The following ALAD variants were observed in gnomAD, a reference collection of about 807,000 sequenced individuals.
The protein encoded by ALAD is aminolevulinate dehydratase.
In ALAD, 20 loss-of-function variants were observed where a neutral mutation model predicts 44.4. That is an observed-to-expected ratio of 0.45 (90% CI 0.32 to 0.65). The LOEUF (loss-of-function observed/expected upper bound fraction) is 0.65, where lower values mean the gene tolerates loss of function less well. Ranked by LOEUF, ALAD falls within the 30% of genes least tolerant of loss-of-function variation. The pLI is 0.05. For synonymous variants in ALAD, 156 were observed against 167.9 expected (o/e 0.93, Z 0.55); for missense variants, 323 against 445.7 (o/e 0.72, Z 2.48).
chr9:113,390,299 G>A lies in ALAD; in HGVS notation c.570+106C>T, dbSNP rs1307192411. The A allele has an allele frequency of 5.9e-6, 7 of 1,191,646 alleles. No individual in the cohort carries two copies. The African/African-American group carries it at 9.0e-5, about 15-fold the overall frequency. The allele number at this position is 1,191,646 out of a possible 1,614,324, so 73.8% of individuals were successfully genotyped here. A position where few individuals can be genotyped will look rare whatever the true frequency, so the allele number is the denominator to read the frequency against. On this transcript the variant is annotated intron_variant, in intron 7 of 11. Coordinates refer to ENST00000409155, the MANE Select transcript of ALAD (RefSeq NM_000031.6). Reference sequence around the variant, plus strand: ...AGCCTCCCAAAGTGCTGGGACTACAGGTGTGAGCCAACACGCCCGGCAGTT... The same window carrying A: ...AGCCTCCCAAAGTGCTGGGACTACAAGTGTGAGCCAACACGCCCGGCAGTT...
chr9:113,390,429 C>G lies in ALAD; in HGVS notation c.546G>C (p.Leu182=). ...DGRVEAIKEA[L]MAHGLGNRVS... Reference sequence around the variant, plus strand: ...CCCTGTTGCCAAGTCCATGTGCCATCAGGGCCTCTTTGATGGCTTCCACGC... The same window carrying G: ...CCCTGTTGCCAAGTCCATGTGCCATGAGGGCCTCTTTGATGGCTTCCACGC... The change falls in exon 7 of 12, where the codon CTG becomes CTC. Residue 182 remains leucine (L), a synonymous_variant. Transcript: ENST00000409155. 1 of 1,614,128 alleles carries G rather than the reference C, an allele frequency of 6.2e-7. No individual in the cohort carries two copies. Among genetic ancestry groups the G allele is most frequent in the Non-Finnish European group, 8.5e-7 (1 of 1,180,020 alleles).
chr9:113,397,633 T>C (rs1277344757), intron 1 of ALAD, among the ~76,000 whole-genome samples: 3 of 144,940 alleles, frequency 2.1e-5, no homozygotes, highest in African/African-American at 7.7e-5. Context: ...TTTTTTTTTT[T>C]TTTTTTTTTG....
chr9:113,389,473 G>A lies in ALAD; in HGVS notation c.766C>T (p.Pro256Ser). Residue 256 changes from proline (P) to serine (S), a missense_variant, in exon 10 of 12, where the codon CCC (proline) becomes TCC (serine). Physicochemically the swap from Pro to Ser is moderately conservative, Grantham distance 74. Coordinates refer to ENST00000409155, the MANE Select transcript of ALAD (RefSeq NM_000031.6). Reference sequence around the variant, plus strand: ...ACCTCCCGCACGATGTCCAGGTAGGGCATTCCCGGCTTCACCATGAGCATG... The same window carrying A: ...ACCTCCCGCACGATGTCCAGGTAGGACATTCCCGGCTTCACCATGAGCATG... The part of the protein sequence containing the change: ...ADMLMVKPGM[P>S]YLDIVREVKD... 1 of 1,613,992 alleles carries A rather than the reference G, an allele frequency of 6.2e-7. No homozygotes were observed. Among genetic ancestry groups the A allele is most frequent in the Non-Finnish European group, 8.5e-7 (1 of 1,180,046 alleles).
At chr9:113,388,886 C>T (rs1827481582) in intron 11 of ALAD, 91 bp downstream of exon 11, 2 of 1,591,422 alleles carry the variant, frequency 1.3e-6, no homozygotes, top group South Asian at 1.1e-5. Flanking sequence ...GAATAAGATC[C>T]CAAGCTCTCA....
Position 113,393,516 on chromosome 9 carries a change from A to G in ALAD, c.44T>C (p.Leu15Pro), listed in dbSNP as rs1827651479. The G allele has an allele frequency of 4.3e-6, 7 of 1,613,728 alleles. No homozygotes were observed. The highest frequency in any genetic ancestry group is 5.9e-6 in the Non-Finnish European group (7 of 1,179,876). The change falls in exon 2 of 12, where the codon CTA becomes CCA. Residue 15 changes from leucine to proline, a missense_variant. Leu to Pro is a moderately conservative substitution (Grantham distance 98). Transcript: ENST00000409155. The stretch of plus-strand genomic sequence containing the variant: ...GGTGGCTGTCTGCCAGGCCCGAAGT[A>G]GTGGGTGGAAGTAGCCGCTGTGCAG... ...SVLHSGYFHPLLRAWQTATTT... is the reference protein window; with the variant it reads ...SVLHSGYFHPPLRAWQTATTT...
At chr9:113,390,188 A>G (rs1319979649) in intron 7 of ALAD, among the ~76,000 whole-genome samples, 1 of 151,884 alleles carries the variant, frequency 6.6e-6, no homozygotes. Flanking sequence ...CGCCCAGCTA[A>G]TTTTTGTGTT....
intron 2 of ALAD, among the ~76,000 whole-genome samples, chr9:113,392,840 T>C (rs1049474834): frequency 1.6e-5 from 2 of 127,058 alleles, no homozygotes; most frequent in African/African-American, 6.4e-5. Flanking sequence ...TTTTTTGAGA[T>C]GGAGTCTGGC....
chr9:113,397,683 G>A (rs1454390718), intron 1 of ALAD, among the ~76,000 whole-genome samples: 2 of 140,118 alleles, frequency 1.4e-5, no homozygotes, highest in Non-Finnish European at 3.0e-5. Context: ...GGAGTGCAGT[G>A]GTTCGATCTC....
Position 113,386,350 on chromosome 9 carries a change from C to A in ALAD, c.*1950G>T, listed in dbSNP as rs818706. 6.6e-6 allele frequency: 1 copy of A among 152,124 alleles called. No individual in the cohort carries two copies. The highest frequency in any genetic ancestry group is 2.1e-4 in the South Asian group (1 of 4,830). 9.4% of individuals were successfully genotyped at this position (152,124 alleles called of 1,614,324 possible). The stretch of plus-strand genomic sequence containing the variant: ...TTGAATTTTTATTCAAAATTCTTTA[C>A]AACTTTATTACAATATAGATTTTGT... On this transcript the variant is annotated 3_prime_UTR_variant, in exon 12 of 12. Coordinates refer to ENST00000409155, the MANE Select transcript of ALAD (RefSeq NM_000031.6).
At chr9:113,400,990 G>C (rs540228759) in intron 1 of ALAD, among the ~76,000 whole-genome samples, 1 of 152,156 alleles carries the variant, frequency 6.6e-6, no homozygotes, top group African/African-American at 2.4e-5. Flanking sequence ...GTGAACCCCA[G>C]AGAAGAGGTG....
chr9:113,389,846 A>C lies in ALAD; in HGVS notation c.571-18T>G. 1 of 1,614,138 alleles carries C rather than the reference A, an allele frequency of 6.2e-7. No homozygotes were observed. The highest frequency in any genetic ancestry group is 8.5e-7 in the Non-Finnish European group (1 of 1,180,014). On this transcript the variant is annotated intron_variant, in intron 7 of 11. Coordinates refer to ENST00000409155, the MANE Select transcript of ALAD (RefSeq NM_000031.6). ...ACCGATACCTATGGGGAGACAATGG[A>C]GGTCTTGGCTTATTCGGCCCTTGCC... is the stretch of plus-strand genomic sequence containing the variant.
intron 4 of ALAD, 69 bp from the exon 5 acceptor site, chr9:113,391,002 T>A: frequency 1.3e-6 from 2 of 1,595,098 alleles, no homozygotes; most frequent in South Asian, 2.2e-5. Flanking sequence ...ATGACAGCCA[T>A]CACAGAGCAT....
chr9:113,399,717 G>A lies in ALAD; in HGVS notation c.-76+1495C>T, dbSNP rs149809716. Among the ~76,000 whole-genome samples, 346 of 152,270 alleles carry A rather than the reference G, an allele frequency of 2.3e-3. 1 individual carries two copies. Among genetic ancestry groups the A allele is most frequent in the African/African-American group, 7.9e-3 (329 of 41,558 alleles). ...TACCAGGAGGGGCTATGAGCTTCAT[G>A]TGCCACCCCCCACCCCTGCAAGTTG... On this transcript the variant is annotated intron_variant, in intron 1 of 11. Coordinates refer to ENST00000409155, the MANE Select transcript of ALAD (RefSeq NM_000031.6).
chr9:113,392,959 A>G (rs1379323511), intron 2 of ALAD, among the ~76,000 whole-genome samples: 1 of 151,924 alleles, frequency 6.6e-6, no homozygotes, highest in Non-Finnish European at 1.5e-5. Context: ...CTGGGACTAC[A>G]GGCACCCGCC....
chr9:113,400,832 TA>T (rs1827834592), intron 1 of ALAD, among the ~76,000 whole-genome samples: 1 of 151,918 alleles, frequency 6.6e-6, no homozygotes, highest in Non-Finnish European at 1.5e-5. Context: ...CAAAAATAAA[TA>T]AATAAATAAA....
intron 1 of ALAD, among the ~76,000 whole-genome samples, chr9:113,393,946 T>G (rs1302719288): frequency 2.0e-5 from 3 of 151,440 alleles, no homozygotes; most frequent in Non-Finnish European, 4.4e-5. Flanking sequence ...AAAATTCTCT[T>G]CTTTTTTTTT....
rs145916198 is a variant in ALAD at position 113,393,060 on chromosome 9, C to T, written c.113+387G>A. 7.0e-3 allele frequency: 1,571 copies of T among 225,422 alleles called. 25 individuals carry two copies. Among genetic ancestry groups the T allele is most frequent in the African/African-American group, 0.033 (1,479 of 44,364 alleles). The allele number at this position is 225,422 out of a possible 1,614,324, so 14.0% of individuals were successfully genotyped here. On this transcript the variant is annotated intron_variant, in intron 2 of 11. Transcript: ENST00000409155. ...GTCTCGATCTCCTGACCTCGTGATCCGCCTGCCTCAGCCTCCCAAAGTGCT... is the reference window on the plus strand; with the variant it reads ...GTCTCGATCTCCTGACCTCGTGATCTGCCTGCCTCAGCCTCCCAAAGTGCT...
chr9:113,393,815 G>A (rs1472593451), intron 1 of ALAD, among the ~76,000 whole-genome samples, 181 bp from the exon 2 acceptor site: 1 of 152,204 alleles, frequency 6.6e-6, no homozygotes, highest in Non-Finnish European at 1.5e-5. Context: ...TAAGTCTTTA[G>A]AAACTTTCAT....
Position 113,391,623 on chromosome 9 carries a change from C to A in ALAD, c.165G>T (p.Arg55Ser), listed in dbSNP as rs1412547508. The part of the protein sequence containing the change: ...QPITSLPGVA[R>S]YGVKRLEEML... ...TCTCTTCCAGCCGCTTCACACCATA[C>A]CTGTGTGGGTGTGGGTAGAGGGGTT... The change falls in exon 4 of 12, where the codon AGG becomes AGT. Residue 55 changes from arginine (R) to serine (S), a missense_variant and splice_region_variant. Physicochemically the swap from Arg to Ser is moderately radical, Grantham distance 110. Coordinates refer to ENST00000409155, the MANE Select transcript of ALAD (RefSeq NM_000031.6). 1 of 1,610,284 alleles carries A rather than the reference C, an allele frequency of 6.2e-7. No homozygotes were observed. The highest frequency in any genetic ancestry group is 1.1e-5 in the South Asian group (1 of 91,030).
Sources: allele counts gnomAD v4.1 joint callset (sites outside exome capture counted in the v4.1 genomes callset), GRCh38; gene constraint gnomAD v4.1.1; transcripts MANE v1.5; gene names NCBI Gene and HGNC (gene_info 2026-07-23, HGNC 2026-07-21).